ANKHD1: variants seen among roughly 807,000 people sequenced by gnomAD.
The protein encoded by ANKHD1 is ankyrin repeat and KH domain-containing protein 1.
In ANKHD1, 31 loss-of-function variants were observed where a neutral mutation model predicts 230.5. That is an observed-to-expected ratio of 0.13 (90% CI 0.10 to 0.18). The LOEUF is 0.18. Among genes scored for constraint, ANKHD1 ranks in the 10% least tolerant of loss-of-function variants. ANKHD1 has a pLI of 1.00. For synonymous variants in ANKHD1, 1,074 were observed against 1,117.6 expected (o/e 0.96, Z 0.78); for missense variants, 2,256 against 3,071.3 (o/e 0.73, Z 6.27).
At position 140,529,432 on chromosome 5, in the gene ANKHD1, G is replaced by A. The variant is rs200760213; in HGVS notation, c.6486G>A (p.Thr2162=). The part of the protein sequence containing the change: ...IHQDPQSIFV[T]NPVTLTPPQG... Reference sequence around the variant, plus strand: ...AGGATCCCCAGTCTATTTTTGTTACGAATCCAGTTACTTTAACACCACCTC... The same window carrying A: ...AGGATCCCCAGTCTATTTTTGTTACAAATCCAGTTACTTTAACACCACCTC... The change falls in exon 29 of 34, where the codon ACG becomes ACA. Residue 2162 remains threonine, a synonymous_variant. Transcript: ENST00000360839. 8.4e-5 allele frequency: 135 copies of A among 1,614,100 alleles called. No individual in the cohort carries two copies. The highest frequency in any genetic ancestry group is 3.3e-4 in the Middle Eastern group (2 of 6,060).
chr5:140,411,695 T>G (rs1004586342), intron 1 of ANKHD1, among the ~76,000 whole-genome samples: 1 of 151,816 alleles, frequency 6.6e-6, no homozygotes, highest in African/African-American at 2.4e-5. Flanking sequence ...AATTTTTTTT[T>G]GTATTTTTAG....
intron 1 of ANKHD1, among the ~76,000 whole-genome samples, chr5:140,418,826 G>A (rs1771622524): frequency 6.6e-6 from 1 of 152,138 alleles, no homozygotes. Context: ...CAGTTCTTGG[G>A]CTCAAGTGAT....
chr5:140,528,066 T>A (rs2127087765), intron 28 of ANKHD1, 44 bp downstream of exon 28: 1 of 1,606,380 alleles, frequency 6.2e-7, no homozygotes, highest in Admixed American at 1.7e-5. Flanking sequence ...GTAGAAATTA[T>A]AAGAAGCATA....
In ANKHD1 at chr5:140,482,642, C is replaced by T; in HGVS notation, c.1845C>T (p.Cys615=). 1 of 1,612,770 alleles carries T rather than the reference C, an allele frequency of 6.2e-7. No homozygotes were observed. The highest frequency in any genetic ancestry group is 8.5e-7 in the Non-Finnish European group (1 of 1,179,470). The stretch of plus-strand genomic sequence containing the variant: ...AAGCTGCAAGAGCTGGTCATTTGTG[C>T]ACTGTGCAGTTTCTTATTAGCAAAG... ...LMKAARAGHL[C]TVQFLISKGA... is the part of the protein sequence containing the mutation. The change falls in exon 11 of 34, where the codon TGC becomes TGT. Residue 615 remains cysteine, a synonymous_variant. Coordinates refer to ENST00000360839, the MANE Select transcript of ANKHD1 (RefSeq NM_017747.3).
At chr5:140,533,787 A>C (rs1214064024) in intron 29 of ANKHD1, among the ~76,000 whole-genome samples, 27 of 150,992 alleles carry the variant, frequency 1.8e-4, no homozygotes, top group Admixed American at 1.6e-3. Flanking sequence ...AAAAAAAAAA[A>C]AAAAAAAAAA....
chr5:140,446,627 C>T (rs1314187560), intron 6 of ANKHD1, among the ~76,000 whole-genome samples: 1 of 152,122 alleles, frequency 6.6e-6, no homozygotes, highest in African/African-American at 2.4e-5. Context: ...TCCCAAGCCT[C>T]CCAAAGTGCT....
chr5:140,403,564 A>C (rs750663850), intron 1 of ANKHD1, among the ~76,000 whole-genome samples: 5 of 152,022 alleles, frequency 3.3e-5, no homozygotes, highest in African/African-American at 9.7e-5. Flanking sequence ...GGCGCGTGCC[A>C]CCACTCCCGG....
intron 32 of ANKHD1, 126 bp downstream of exon 32, chr5:140,538,387 A>G: frequency 6.8e-7 from 1 of 1,467,880 alleles, no homozygotes; most frequent in East Asian, 2.3e-5. Context: ...TCTTTTGCTT[A>G]ATTTCAGGAG....
intron 2 of ANKHD1, among the ~76,000 whole-genome samples, chr5:140,437,800 C>T (rs1773562388): frequency 6.6e-6 from 1 of 152,152 alleles, no homozygotes; most frequent in African/African-American, 2.4e-5. Context: ...CAAAAATCAA[C>T]AATTTTTGAG....
intron 20 of ANKHD1, 141 bp downstream of exon 20, chr5:140,508,139 T>C: frequency 8.5e-7 from 1 of 1,173,394 alleles, no homozygotes; most frequent in Admixed American, 3.0e-5. Context: ...TTATGCTGTA[T>C]AATAGTGAGT....
chr5:140,513,580 G>A (rs549555509), intron 24 of ANKHD1, 101 bp downstream of exon 24: 29 of 1,172,636 alleles, frequency 2.5e-5, no homozygotes, highest in South Asian at 2.0e-4. Context: ...AGGCCAAGGC[G>A]GGTGGATTAC....
chr5:140,475,587 A>G lies in ANKHD1; in HGVS notation c.1783-6993A>G, dbSNP rs111732158. 4.3e-3 allele frequency among the ~76,000 whole-genome samples: 651 copies of G among 152,330 alleles called. 2 individuals carry two copies. The highest frequency in any genetic ancestry group is 0.011 in the African/African-American group (452 of 41,588). ...CCAAAAAAACTAAAAAAAAGGGGGGAAAAATTAGCAAATTGTCGTTAATGG... is the reference window on the plus strand; with the variant it reads ...CCAAAAAAACTAAAAAAAAGGGGGGGAAAATTAGCAAATTGTCGTTAATGG... On this transcript the variant is annotated intron_variant, in intron 10 of 33. Transcript: ENST00000360839.
chr5:140,537,724 T>C, intron 31 of ANKHD1, 135 bp downstream of exon 31: 1 of 1,351,974 alleles, frequency 7.4e-7, no homozygotes, highest in Non-Finnish European at 9.7e-7. Flanking sequence ...GGGAAGGGTG[T>C]TTATATCTTT....
At chr5:140,483,456 T>TA (rs1160559341) in intron 11 of ANKHD1, among the ~76,000 whole-genome samples, 1 of 147,402 alleles carries the variant, frequency 6.8e-6, no homozygotes, top group African/African-American at 2.5e-5. Flanking sequence ...TTTTATCTTT[T>TA]TTTTTTTTTT....
At chr5:140,406,662 A>G (rs1770483816) in intron 1 of ANKHD1, among the ~76,000 whole-genome samples, 1 of 151,020 alleles carries the variant, frequency 6.6e-6, no homozygotes, top group South Asian at 2.1e-4. Context: ...CTCCTGCCTC[A>G]GTAGTGAGAT....
At chr5:140,534,188 C>T (rs576860271) in intron 29 of ANKHD1, among the ~76,000 whole-genome samples, 25 of 152,138 alleles carry the variant, frequency 1.6e-4, no homozygotes, top group African/African-American at 5.1e-4. Context: ...GTCAGGAGAT[C>T]GAGACCATCC....
intron 5 of ANKHD1, among the ~76,000 whole-genome samples, chr5:140,443,767 T>C (rs1021650255): frequency 6.6e-6 from 1 of 151,960 alleles, no homozygotes; most frequent in African/African-American, 2.4e-5. Flanking sequence ...TTCTTGGTGA[T>C]CATCAAATTC....
At position 140,496,927 on chromosome 5, in the gene ANKHD1, G is replaced by A. The variant is rs760406619; in HGVS notation, c.2653G>A (p.Asp885Asn). The change falls in exon 15 of 34, where the codon GAT becomes AAT. Residue 885 changes from aspartate (D) to asparagine (N), a missense_variant. By Grantham distance (23) the Asp-to-Asn change is conservative. Around this residue, in one of 13 missense-constraint regions of ANKHD1, gnomAD observed 358 missense variants for 397.7 expected, o/e 0.90. Coordinates refer to ENST00000360839, the MANE Select transcript of ANKHD1 (RefSeq NM_017747.3). The part of the protein sequence containing the change: ...HRGVFPEGEG[D>N]GSLPEDHFSE... ...AGGAGTCTTCCCAGAAGGGGAAGGA[G>A]ATGGTAGTCTCCCAGAGGATCACTT... 5.0e-6 allele frequency: 8 copies of A among 1,614,246 alleles called. No homozygotes were observed. The highest frequency in any genetic ancestry group is 6.8e-6 in the Non-Finnish European group (8 of 1,180,038).
chr5:140,472,105 T>G lies in ANKHD1; in HGVS notation c.1782+7329T>G, dbSNP rs1776535388. 5 of 718,958 alleles carry G rather than the reference T, an allele frequency of 7.0e-6. No individual in the cohort carries two copies. The East Asian group carries it at 1.4e-4, about 20-fold the overall frequency. 44.5% of individuals were successfully genotyped at this position (718,958 alleles called of 1,614,324 possible). A position where few individuals can be genotyped will look rare whatever the true frequency, so the allele number is the denominator to read the frequency against. Reference sequence around the variant, plus strand: ...CTCATGACATTACAGTCTCTACAGATGAGAATCTTTTTAGTTGAAGATCCT... The same window carrying G: ...CTCATGACATTACAGTCTCTACAGAGGAGAATCTTTTTAGTTGAAGATCCT... On this transcript the variant is annotated intron_variant, in intron 10 of 33. Transcript: ENST00000360839.
Sources: gnomAD v4.1 joint callset for allele counts (sites outside exome capture counted in the v4.1 genomes callset) on GRCh38, gnomAD v4.1.1 for gene constraint, gnomAD v4.1.1 regional missense constraint, MANE v1.5 for transcripts, NCBI Gene and HGNC (gene_info 2026-07-23, HGNC 2026-07-21) for gene names.